The following LRIG3 variants were observed in gnomAD, a reference collection of about 807,000 sequenced individuals.
LRIG3 encodes the protein leucine-rich repeats and immunoglobulin-like domains protein 3.
In LRIG3, 76 loss-of-function variants were observed where a neutral mutation model predicts 114.5. The ratio of observed to expected loss-of-function variants is 0.66; its 90% CI spans 0.55 to 0.80. The LOEUF (loss-of-function observed/expected upper bound fraction) is 0.80, where lower values mean the gene tolerates loss of function less well. Ranked by LOEUF, LRIG3 falls within the 30% of genes least tolerant of loss-of-function variation. The pLI, the probability that LRIG3 is intolerant of heterozygous loss-of-function variation, is 0.00. For synonymous variants in LRIG3, 512 were observed against 519.8 expected (o/e 0.98, Z 0.20); for missense variants, 1,239 against 1,382.8 (o/e 0.90, Z 1.65).
chr12:58,881,422 A>AG (rs201221513), intron 12 of LRIG3, among the ~76,000 whole-genome samples: 4 of 125,248 alleles, frequency 3.2e-5, no homozygotes, highest in Admixed American at 8.4e-5. Context: ...GGTAGAGGCA[A>AG]AAAAAAAAAA....
At chr12:58,875,196 G>T (rs1358829170) in intron 16 of LRIG3, among the ~76,000 whole-genome samples, 1 of 152,192 alleles carries the variant, frequency 6.6e-6, no homozygotes, top group Non-Finnish European at 1.5e-5. Flanking sequence ...CTCATCTCCA[G>T]CCTCAGCATC....
chr12:58,875,161 G>A (rs1214772323), intron 16 of LRIG3, among the ~76,000 whole-genome samples: 1 of 152,182 alleles, frequency 6.6e-6, no homozygotes. Flanking sequence ...TAATGCTGGT[G>A]GCCCAGAGCT....
chr12:58,908,752 C>T lies in LRIG3; in HGVS notation c.383+5230G>A, dbSNP rs929249282. Among the ~76,000 whole-genome samples the T allele has an allele frequency of 4.6e-5, 7 of 152,292 alleles. No individual in the cohort carries two copies. The East Asian group carries it at 9.6e-4, about 21-fold the overall frequency. On this transcript the variant is annotated intron_variant, in intron 3 of 18. Coordinates refer to ENST00000320743, the MANE Select transcript of LRIG3 (RefSeq NM_153377.5). ...TATAGAAGGAGATCTGTCTGAATTA[C>T]GCTAAGTGCAGCAGCATGTGGTTAT...
At chr12:58,895,148 CTGA>C (rs1363339743) in intron 3 of LRIG3, among the ~76,000 whole-genome samples, 1 of 152,204 alleles carries the variant, frequency 6.6e-6, no homozygotes, top group Non-Finnish European at 1.5e-5. Context: ...CCATTTTCAT[CTGA>C]TGATATTTAC....
At chr12:58,916,381 C>T (rs1872483752) in intron 1 of LRIG3, among the ~76,000 whole-genome samples, 1 of 152,076 alleles carries the variant, frequency 6.6e-6, no homozygotes, top group Non-Finnish European at 1.5e-5. Flanking sequence ...AAAAACACCC[C>T]TTAAATGACA....
intron 12 of LRIG3, among the ~76,000 whole-genome samples, chr12:58,882,035 T>G (rs917097153): frequency 6.6e-6 from 1 of 152,228 alleles, no homozygotes; most frequent in Non-Finnish European, 1.5e-5. Flanking sequence ...GAGGTTTTAT[T>G]TCCAGAAACT....
At chr12:58,917,665 A>G (rs1377805265) in intron 1 of LRIG3, among the ~76,000 whole-genome samples, 1 of 152,206 alleles carries the variant, frequency 6.6e-6, no homozygotes, top group Non-Finnish European at 1.5e-5. Context: ...TACACACGTA[A>G]TTTTTCTTAA....
chr12:58,890,171 C>T (rs748642505), intron 4 of LRIG3, 32 bp from the exon 5 acceptor site: 2 of 1,606,920 alleles, frequency 1.2e-6, no homozygotes, highest in Admixed American at 3.3e-5. Context: ...GCTTCTCCTT[C>T]TGATTTATTT....
intron 13 of LRIG3, 58 bp from the exon 14 acceptor site, chr12:58,879,163 C>G: frequency 6.7e-7 from 1 of 1,496,494 alleles, no homozygotes; most frequent in South Asian, 1.3e-5. Flanking sequence ...GGTTCACTTG[C>G]ATTCCTTTTT....
chr12:58,900,156 G>A (rs927854963), intron 3 of LRIG3, among the ~76,000 whole-genome samples: 6 of 152,232 alleles, frequency 3.9e-5, no homozygotes, highest in African/African-American at 1.4e-4. Flanking sequence ...TTTTGGAGGG[G>A]AAACCTGGAG....
chr12:58,905,786 C>CA (rs1565622349), intron 3 of LRIG3, among the ~76,000 whole-genome samples: 1 of 152,172 alleles, frequency 6.6e-6, no homozygotes, highest in Non-Finnish European at 1.5e-5. Flanking sequence ...CCTACACCGG[C>CA]TTAGGGATTC....
chr12:58,901,447 A>G (rs1261043330), intron 3 of LRIG3, among the ~76,000 whole-genome samples: 4 of 152,202 alleles, frequency 2.6e-5, no homozygotes, highest in Admixed American at 6.5e-5. Context: ...ATTTTCCAGT[A>G]TAACAGCCAT....
chr12:58,917,779 C>A (rs1306468434), intron 1 of LRIG3, among the ~76,000 whole-genome samples: 1 of 152,136 alleles, frequency 6.6e-6, no homozygotes, highest in Non-Finnish European at 1.5e-5. Context: ...TTTGATTACC[C>A]AAGGAAAGGG....
At chr12:58,882,426 A>T (rs967429911) in intron 12 of LRIG3, among the ~76,000 whole-genome samples, 14 of 152,194 alleles carry the variant, frequency 9.2e-5, no homozygotes, top group African/African-American at 3.4e-4. Context: ...TTACTTGTAA[A>T]TGTTTTACCG....
At chr12:58,916,543 A>G (rs1036599453) in intron 1 of LRIG3, among the ~76,000 whole-genome samples, 2 of 152,226 alleles carry the variant, frequency 1.3e-5, no homozygotes, top group African/African-American at 4.8e-5. Flanking sequence ...AGACCATTAA[A>G]AACAGATTCA....
chr12:58,876,626 T>G (rs1870927843), intron 15 of LRIG3, 23 bp from the exon 16 acceptor site: 1 of 1,613,440 alleles, frequency 6.2e-7, no homozygotes, highest in South Asian at 1.1e-5. Flanking sequence ...AGCAGCATTT[T>G]ATTAACCAAG....
intron 5 of LRIG3, among the ~76,000 whole-genome samples, chr12:58,889,263 C>A (rs1871373483): frequency 6.6e-6 from 1 of 152,132 alleles, no homozygotes; most frequent in African/African-American, 2.4e-5. Flanking sequence ...TTTAAACAAT[C>A]CAGAATGAGA....
intron 16 of LRIG3, among the ~76,000 whole-genome samples, chr12:58,875,011 C>T (rs562160795): frequency 7.2e-5 from 11 of 152,338 alleles, no homozygotes; most frequent in Non-Finnish European, 1.3e-4. Context: ...ACGCCATTTA[C>T]TGCTGGACAC....
At chr12:58,890,624 C>A in intron 4 of LRIG3, 41 bp downstream of exon 4, 1 of 1,520,270 alleles carries the variant, frequency 6.6e-7, no homozygotes, top group Admixed American at 2.2e-5. Flanking sequence ...GTAATATTTT[C>A]ATTACAGGTG....
Sources: allele counts gnomAD v4.1 joint callset (sites outside exome capture counted in the v4.1 genomes callset), GRCh38; gene constraint gnomAD v4.1.1; transcripts MANE v1.5; gene names NCBI Gene and HGNC (gene_info 2026-07-23, HGNC 2026-07-21).